The following ARAP1 variants were observed in gnomAD, a reference collection of about 807,000 sequenced individuals.
The protein encoded by ARAP1 is ArfGAP with RhoGAP domain, ankyrin repeat and PH domain 1.
ARAP1 carries 76 observed loss-of-function variants against 172.2 expected under a neutral mutation model. That is an observed-to-expected ratio of 0.44 (90% CI 0.37 to 0.53). ARAP1 has a LOEUF of 0.53. ARAP1 is among the 20% of genes least tolerant of loss of function. The probability of loss-of-function intolerance (pLI) is 0.00; values close to 1 mark genes in which losing one functional copy is unlikely to be tolerated. For synonymous variants in ARAP1, 804 were observed against 803.3 expected, an observed-to-expected ratio of 1.00 and a Z score of -0.01; for missense variants, 1,686 against 1,977.5, an observed-to-expected ratio of 0.85 and a Z score of 2.80.
Position 72,697,411 on chromosome 11 carries a change from G to T in ARAP1, c.2865C>A (p.Ser955Arg). The T allele has an allele frequency of 6.2e-7, 1 of 1,611,584 alleles. No homozygotes were observed. Among genetic ancestry groups the T allele is most frequent in the Non-Finnish European group, 8.5e-7 (1 of 1,179,340 alleles). ...WLGAIQKAAA[S>R]MGDTLSEQQL... Reference sequence around the variant, plus strand: ...GCTGCTCCGACAGCGTGTCCCCCATGCTGGCGGCTGCTTTCTGGATGGCCC... The same window carrying T: ...GCTGCTCCGACAGCGTGTCCCCCATTCTGGCGGCTGCTTTCTGGATGGCCC... The change falls in exon 21 of 35, where the codon AGC becomes AGA. Residue 955 changes from serine to arginine, a missense_variant. Coordinates refer to ENST00000393609, the MANE Select transcript of ARAP1 (RefSeq NM_001040118.3).
At chr11:72,697,872 G>A (rs375551497) in intron 19 of ARAP1, 39 bp downstream of exon 19, 981 of 1,526,138 alleles carry the variant, frequency 6.4e-4, no homozygotes, top group Non-Finnish European at 8.3e-4. Flanking sequence ...CCAGGATAGG[G>A]TGCCCTGGAG....
intron 1 of ARAP1, among the ~76,000 whole-genome samples, chr11:72,746,692 C>T (rs938938084): frequency 6.6e-6 from 1 of 150,706 alleles, no homozygotes; most frequent in African/African-American, 2.4e-5. Flanking sequence ...CTCTCACCTG[C>T]CCAATTTGGT....
intron 19 of ARAP1, 40 bp downstream of exon 19, chr11:72,697,871 G>A: frequency 6.6e-7 from 1 of 1,525,360 alleles, no homozygotes; most frequent in East Asian, 2.3e-5. Context: ...CCCAGGATAG[G>A]GTGCCCTGGA....
In ARAP1 at chr11:72,695,403, G is replaced by T; in HGVS notation, c.3560C>A (p.Thr1187Asn). The change falls in exon 26 of 35, where the codon ACT becomes AAT. Residue 1187 changes from threonine to asparagine, a missense_variant. Thr to Asn is a moderately conservative substitution (Grantham distance 65). Transcript: ENST00000393609. The surrounding 1 kb of genome is among the most constrained non-coding windows in gnomAD (Gnocchi z 4.4). ...AGCACCTACCTTGATATGCTGCTCA[G>T]TCTCTGCCTTCTTCTCTTCCAGATA... ...TVYLEEKKAE[T>N]EQHIKVPASM... The T allele has an allele frequency of 1.2e-6, 2 of 1,614,206 alleles. No individual in the cohort carries two copies. The highest frequency in any genetic ancestry group is 8.5e-7 in the Non-Finnish European group (1 of 1,180,044).
chr11:72,726,941 C>G lies in ARAP1; in HGVS notation c.188G>C (p.Gly63Ala). The G allele has an allele frequency of 6.3e-7, 1 of 1,597,288 alleles. No homozygotes were observed. The change falls in exon 3 of 35, where the codon GGC becomes GCC. Residue 63 changes from glycine (G) to alanine (A), a missense_variant. Gly to Ala is a moderately conservative substitution (Grantham distance 60). This residue lies in a region of ARAP1 where 190 missense variants were observed against 228.6 expected (regional missense o/e 0.83). Transcript: ENST00000393609. The surrounding 1 kb of genome is among the most constrained non-coding windows in gnomAD (Gnocchi z 6.5). ...CGGTGAGGTATGGGCACGGAGCAGGCCAGCCAGGATGCGGCGGCGGTGACC... is the reference window on the plus strand; with the variant it reads ...CGGTGAGGTATGGGCACGGAGCAGGGCAGCCAGGATGCGGCGGCGGTGACC... Reference protein sequence around the residue: ...LPGHRRRILAGLLRAHTSPAP... With the variant: ...LPGHRRRILAALLRAHTSPAP...
At chr11:72,705,560 T>TC in intron 13 of ARAP1, 1 of 495,612 alleles carries the variant, frequency 2.0e-6, no homozygotes, top group Non-Finnish European at 3.6e-6. Flanking sequence ...TGCATTTTCT[T>TC]CCTTTTTTTT....
chr11:72,749,560 C>T (rs941297335), intron 1 of ARAP1, among the ~76,000 whole-genome samples: 2 of 152,098 alleles, frequency 1.3e-5, no homozygotes, highest in African/African-American at 4.8e-5. Context: ...TGTGCAGTGT[C>T]CAGCACACAG....
At chr11:72,713,715 C>T (rs929225454) in intron 4 of ARAP1, among the ~76,000 whole-genome samples, 9 of 151,898 alleles carry the variant, frequency 5.9e-5, no homozygotes, top group African/African-American at 1.7e-4. Flanking sequence ...GGTATGGTGG[C>T]GGGCGCCTGT....
At chr11:72,729,922 C>CT (rs1354033011) in intron 2 of ARAP1, among the ~76,000 whole-genome samples, 2 of 79,318 alleles carry the variant, frequency 2.5e-5, no homozygotes, top group African/African-American at 1.7e-4. Flanking sequence ...GAGACTGTCT[C>CT]TAAAAAAAAA....
intron 3 of ARAP1, among the ~76,000 whole-genome samples, chr11:72,720,188 G>A (rs1412663734): frequency 6.6e-6 from 1 of 152,136 alleles, no homozygotes. Context: ...GTGATCTGTG[G>A]ACATCTGTGT....
At position 72,703,049 on chromosome 11, in the gene ARAP1, G is replaced by A; in HGVS notation, c.2023C>T (p.Leu675=). 7 of 1,595,898 alleles carry A rather than the reference G, an allele frequency of 4.4e-6. No individual in the cohort carries two copies. The highest frequency in any genetic ancestry group is 5.1e-6 in the Non-Finnish European group (6 of 1,172,746). Residue 675 remains leucine (L), a synonymous_variant, in exon 15 of 35, where the codon CTG becomes TTG. Coordinates refer to ENST00000393609, the MANE Select transcript of ARAP1 (RefSeq NM_001040118.3). The part of the protein sequence containing the change: ...ALCAAVTTTD[L]AETQALLGCG... The stretch of plus-strand genomic sequence containing the variant: ...CCCAGGAGCGCCTGGGTCTCAGCCA[G>A]GTCTGTGGTGGTGACTGCAGCACAC...
In ARAP1 at chr11:72,727,111, AT is replaced by A; in HGVS notation, c.17del (p.Asp6ValfsTer41). On this transcript the variant is annotated frameshift_variant, in exon 3 of 35. Coordinates refer to ENST00000393609, the MANE Select transcript of ARAP1 (RefSeq NM_001040118.3). LOFTEE classifies it high-confidence loss of function. ...GCCACTCGGCCACCGATAGCGCAGCATCCCCAGCCTCTGCCATGGTTCCTGC... is the reference window on the plus strand; with the variant it reads ...GCCACTCGGCCACCGATAGCGCAGCACCCCAGCCTCTGCCATGGTTCCTGC... MAEAG[D>X]AALSVAEWLR... 1 of 1,589,364 alleles carries A rather than the reference AT, an allele frequency of 6.3e-7. No individual in the cohort carries two copies. The highest frequency in any genetic ancestry group is 8.6e-7 in the Non-Finnish European group (1 of 1,163,672).
rs1856142267 is a variant in ARAP1, at chr11:72,695,416, T to G, written c.3547A>C (p.Lys1183Gln). The stretch of plus-strand genomic sequence containing the variant: ...ATATGCTGCTCAGTCTCTGCCTTCT[T>G]CTCTTCCAGATACACTGTGCAGATG... Reference protein sequence around the residue: ...DFICTVYLEEKKAETEQHIKV... With the variant: ...DFICTVYLEEQKAETEQHIKV... Residue 1183 changes from lysine (K) to glutamine (Q), a missense_variant, in exon 26 of 35, where the codon AAG becomes CAG. Around this residue, in one of 5 missense-constraint regions of ARAP1, gnomAD observed 379 missense variants for 500.1 expected, o/e 0.76. Coordinates refer to ENST00000393609, the MANE Select transcript of ARAP1 (RefSeq NM_001040118.3). The surrounding 1 kb of genome is among the most constrained non-coding windows in gnomAD (Gnocchi z 4.4). 1.9e-6 allele frequency: 3 copies of G among 1,614,206 alleles called. No homozygotes were observed. The highest frequency in any genetic ancestry group is 2.5e-6 in the Non-Finnish European group (3 of 1,180,030).
intron 1 of ARAP1, among the ~76,000 whole-genome samples, chr11:72,737,777 C>A (rs1016044090): frequency 6.6e-6 from 1 of 152,090 alleles, no homozygotes; most frequent in Admixed American, 6.5e-5. Context: ...GGGGCATGCA[C>A]CATGCCTGGC....
chr11:72,748,322 T>A lies in ARAP1; in HGVS notation c.-128+4006A>T, dbSNP rs111789392. ...GGATCACGAGGTCAGGAGTTCAAGA[T>A]CATCCTGGCCAACATGGTGAAACCC... is the stretch of plus-strand genomic sequence containing the variant. On this transcript the variant is annotated intron_variant, in intron 1 of 34. Coordinates refer to ENST00000393609, the MANE Select transcript of ARAP1 (RefSeq NM_001040118.3). 2.2e-4 allele frequency among the ~76,000 whole-genome samples: 34 copies of A among 152,080 alleles called. No individual in the cohort carries two copies. The East Asian group carries it at 6.6e-3, about 29-fold the overall frequency.
In ARAP1 at chr11:72,695,192, C is replaced by A; in HGVS notation, c.3577-95G>T. ...ACTCAGAGCCTGAGCCCATCCTTCT[C>A]AGGCCCTTCTGGAGTCCTGGGATAG... On this transcript the variant is annotated intron_variant, in intron 26 of 34. Transcript: ENST00000393609. The surrounding 1 kb of genome is among the most constrained non-coding windows in gnomAD (Gnocchi z 4.4). 2.1e-6 allele frequency: 3 copies of A among 1,439,290 alleles called. No homozygotes were observed. The highest frequency in any genetic ancestry group is 2.9e-6 in the Non-Finnish European group (3 of 1,035,728). The allele number at this position is 1,439,290 out of a possible 1,614,324, so 89.2% of individuals were successfully genotyped here.
intron 1 of ARAP1, among the ~76,000 whole-genome samples, chr11:72,744,478 C>G (rs1204121748): frequency 2.0e-5 from 3 of 152,168 alleles, no homozygotes; most frequent in Non-Finnish European, 4.4e-5. Context: ...CCTTCTCGAC[C>G]AGTACCACAC....
At chr11:72,702,341 C>G (rs1856527583) in intron 15 of ARAP1, among the ~76,000 whole-genome samples, 1 of 152,094 alleles carries the variant, frequency 6.6e-6, no homozygotes, top group African/African-American at 2.4e-5. Context: ...CCATTGAGCT[C>G]CACCCTCAGT....
intron 1 of ARAP1, among the ~76,000 whole-genome samples, chr11:72,735,174 G>T (rs1288256870): frequency 6.6e-6 from 1 of 151,990 alleles, no homozygotes; most frequent in Non-Finnish European, 1.5e-5. Context: ...TAGAGATGGG[G>T]TTTTGCCATG....
Sources: gnomAD v4.1 joint callset for allele counts (sites outside exome capture counted in the v4.1 genomes callset) on GRCh38, gnomAD v4.1.1 for gene constraint, gnomAD v4.1.1 regional missense constraint, Gnocchi (gnomAD v3.1) non-coding constraint, MANE v1.5 for transcripts, NCBI Gene and HGNC (gene_info 2026-07-23, HGNC 2026-07-21) for gene names.